Variants in ZFHX3 observed in about 807,000 individuals in gnomAD.
The protein encoded by ZFHX3 is zinc finger homeobox 3.
A neutral mutation model predicts 279.1 loss-of-function variants in ZFHX3; 42 were observed. That is an observed-to-expected ratio of 0.15 (90% CI 0.12 to 0.19). ZFHX3 has a LOEUF of 0.19. Ranked by LOEUF, ZFHX3 falls within the 10% of genes least tolerant of loss-of-function variation. The probability of loss-of-function intolerance (pLI) is 1.00; values close to 1 mark genes in which losing one functional copy is unlikely to be tolerated. For missense variants in ZFHX3, 4,981 were observed against 4,754.0 expected (o/e 1.05, Z -1.40); for synonymous variants, 2,293 against 1,957.8 (o/e 1.17, Z -4.52).
At chr16:73,845,043 C>A (rs1443320548) in intron 1 of ZFHX3, among the ~76,000 whole-genome samples, 1 of 152,098 alleles carries the variant, frequency 6.6e-6, no homozygotes, top group South Asian at 2.1e-4. Flanking sequence ...AGGAGCTCCT[C>A]TTTTTTATAA....
intron 1 of ZFHX3, among the ~76,000 whole-genome samples, chr16:73,807,281 C>A (rs1054970078): frequency 6.6e-6 from 1 of 152,162 alleles, no homozygotes; most frequent in Non-Finnish European, 1.5e-5. Flanking sequence ...CATCTGACTA[C>A]CAGTACCTTT....
intron 1 of ZFHX3, among the ~76,000 whole-genome samples, chr16:73,745,951 G>T (rs962748163): frequency 6.6e-6 from 1 of 152,100 alleles, no homozygotes; most frequent in African/African-American, 2.4e-5. Context: ...TACCCTTTTG[G>T]CACAGGACTC....
At chr16:73,207,341 T>C (rs2011847861) in intron 5 of ZFHX3, among the ~76,000 whole-genome samples, 1 of 152,172 alleles carries the variant, frequency 6.6e-6, no homozygotes, top group African/African-American at 2.4e-5. Context: ...CACTTTCCTC[T>C]TAAATTACAG....
At chr16:73,763,003 A>T (rs1296441038) in intron 1 of ZFHX3, among the ~76,000 whole-genome samples, 1 of 152,154 alleles carries the variant, frequency 6.6e-6, no homozygotes, top group Non-Finnish European at 1.5e-5. Flanking sequence ...AATTTTTTTT[A>T]AAAAGGAAGT....
At chr16:73,510,189 A>G (rs1399573082) in intron 2 of ZFHX3, among the ~76,000 whole-genome samples, 1 of 152,110 alleles carries the variant, frequency 6.6e-6, no homozygotes, top group African/African-American at 2.4e-5. Flanking sequence ...GCCACTTGCA[A>G]TTACACCACT....
At chr16:73,539,515 C>G (rs1051066574) in intron 2 of ZFHX3, among the ~76,000 whole-genome samples, 1 of 134,694 alleles carries the variant, frequency 7.4e-6, no homozygotes, top group African/African-American at 2.8e-5. Context: ...AACTCTCTCT[C>G]TCACTCCTTT....
chr16:73,717,555 G>A (rs139518200), intron 1 of ZFHX3, among the ~76,000 whole-genome samples: 13 of 152,222 alleles, frequency 8.5e-5, no homozygotes, highest in Non-Finnish European at 1.2e-4. Context: ...CATTTTTGAC[G>A]CTCAAACAAG....
At chr16:73,473,048 G>A (rs1251759257) in intron 2 of ZFHX3, among the ~76,000 whole-genome samples, 1 of 150,912 alleles carries the variant, frequency 6.6e-6, no homozygotes, top group South Asian at 2.1e-4. Flanking sequence ...AGATGTATCA[G>A]GTATAAGATG....
intron 1 of ZFHX3, among the ~76,000 whole-genome samples, chr16:72,996,472 C>T (rs770253492): frequency 6.6e-6 from 1 of 152,160 alleles, no homozygotes; most frequent in Non-Finnish European, 1.5e-5. Context: ...GAAGCTGGTC[C>T]TCAATAAAGG....
chr16:72,801,420 A>G (rs2036095042), intron 7 of ZFHX3, among the ~76,000 whole-genome samples: 1 of 152,222 alleles, frequency 6.6e-6, no homozygotes, highest in African/African-American at 2.4e-5. Context: ...GCCTTGCTCA[A>G]AATAGCTACT....
intron 2 of ZFHX3, among the ~76,000 whole-genome samples, chr16:73,547,893 C>T (rs1050708532): frequency 2.6e-5 from 4 of 152,302 alleles, no homozygotes; most frequent in South Asian, 2.1e-4. Flanking sequence ...TGAACACAGA[C>T]GCAATGCTCA....
At chr16:72,997,132 C>A (rs1597070587) in intron 1 of ZFHX3, among the ~76,000 whole-genome samples, 1 of 152,336 alleles carries the variant, frequency 6.6e-6, no homozygotes, top group South Asian at 2.1e-4. Flanking sequence ...TAAGGGCACA[C>A]TGCACAAGTG....
At chr16:72,929,518 C>T (rs1959674859) in intron 3 of ZFHX3, among the ~76,000 whole-genome samples, 1 of 152,164 alleles carries the variant, frequency 6.6e-6, no homozygotes, top group Non-Finnish European at 1.5e-5. Flanking sequence ...CTAGAGAACA[C>T]AAATGGTAGA....
chr16:72,976,833 C>G (rs1962368795), intron 1 of ZFHX3, among the ~76,000 whole-genome samples: 1 of 152,220 alleles, frequency 6.6e-6, no homozygotes, highest in African/African-American at 2.4e-5. Context: ...GCCCTGAGAC[C>G]CTGCAGTGCT....
At chr16:73,193,316 C>T (rs145447621) in intron 5 of ZFHX3, among the ~76,000 whole-genome samples, 10 of 152,198 alleles carry the variant, frequency 6.6e-5, no homozygotes, top group Admixed American at 2.0e-4. Context: ...GTAACATAAT[C>T]TCCACCCTGT....
At chr16:73,856,821 C>A (rs1028158128) in intron 1 of ZFHX3, among the ~76,000 whole-genome samples, 3 of 152,198 alleles carry the variant, frequency 2.0e-5, no homozygotes, top group East Asian at 3.8e-4. Flanking sequence ...AAATGTATAA[C>A]CCTCAAAGAA....
chr16:73,473,228 T>G (rs2018700183), intron 2 of ZFHX3, among the ~76,000 whole-genome samples: 1 of 150,708 alleles, frequency 6.6e-6, no homozygotes, highest in African/African-American at 2.4e-5. Flanking sequence ...TTCCAGCTAC[T>G]CAGGATGCTG....
intron 1 of ZFHX3, chr16:73,812,607 C>A (rs777937508): frequency 6.6e-5 from 10 of 152,310 alleles, no homozygotes; most frequent in Non-Finnish European, 1.5e-4. Flanking sequence ...ATACTAGCTG[C>A]CTGCCCCTCT....
chr16:73,149,775 C>T (rs1966896370), intron 5 of ZFHX3, among the ~76,000 whole-genome samples: 2 of 152,136 alleles, frequency 1.3e-5, no homozygotes. Flanking sequence ...GTGAAAGAAA[C>T]AATAATTATT....
Sources: allele counts gnomAD v4.1 joint callset (sites outside exome capture counted in the v4.1 genomes callset), GRCh38; gene constraint gnomAD v4.1.1; transcripts MANE v1.5; gene names NCBI Gene and HGNC (gene_info 2026-07-23, HGNC 2026-07-21).